YEATS4: variants seen among roughly 807,000 people sequenced by gnomAD.
YEATS4 encodes the protein YEATS domain containing 4, also known as YEATS domain-containing protein 4.
In YEATS4, 17 loss-of-function variants were observed where a neutral mutation model predicts 30.1. The observed-to-expected ratio is 0.56, with a 90% CI of 0.39 to 0.85. YEATS4 has a LOEUF of 0.85. Among genes scored for constraint, YEATS4 ranks in the 40% least tolerant of loss-of-function variants. The pLI, the probability that YEATS4 is intolerant of heterozygous loss-of-function variation, is 0.00. For synonymous variants in YEATS4, 85 were observed against 87.5 expected, an observed-to-expected ratio of 0.97 and a Z score of 0.16; for missense variants, 142 against 268.3, an observed-to-expected ratio of 0.53 and a Z score of 3.29.
intron 6 of YEATS4, among the ~76,000 whole-genome samples, chr12:69,371,421 A>G (rs536494393): frequency 6.6e-6 from 1 of 152,340 alleles, no homozygotes; most frequent in African/African-American, 2.4e-5. Flanking sequence ...AGTGTTGACT[A>G]CCTGAATGCC....
chr12:69,375,652 G>A (rs567910089), intron 6 of YEATS4, among the ~76,000 whole-genome samples: 1 of 152,326 alleles, frequency 6.6e-6, no homozygotes, highest in African/African-American at 2.4e-5. Flanking sequence ...TGCAATCCCG[G>A]CACCTCGGGA....
the YEATS4 span, chr12:69,400,987 T>C: frequency 6.6e-6 from 1 of 152,230 alleles, no homozygotes; most frequent in South Asian, 2.1e-4. Flanking sequence ...AATTCTGACC[T>C]GTAGTGCACT....
the YEATS4 span, among the ~76,000 whole-genome samples, chr12:69,397,616 A>G: frequency 1.3e-5 from 2 of 152,346 alleles, no homozygotes; most frequent in East Asian, 3.9e-4. Flanking sequence ...AGGCCTCCCC[A>G]GCCATGTGGA....
intron 6 of YEATS4, among the ~76,000 whole-genome samples, chr12:69,380,669 T>G (rs1876039230): frequency 6.6e-6 from 1 of 152,002 alleles, no homozygotes; most frequent in Non-Finnish European, 1.5e-5. Context: ...AGTCAGCCAG[T>G]ATCAGGGGAA....
the YEATS4 span, among the ~76,000 whole-genome samples, chr12:69,408,713 G>A: frequency 2.0e-5 from 3 of 152,198 alleles, no homozygotes; most frequent in Non-Finnish European, 4.4e-5. Flanking sequence ...GCAGGCTTGA[G>A]GCAGCTCATC....
chr12:69,372,876 A>C (rs1404702206), intron 6 of YEATS4, among the ~76,000 whole-genome samples: 2 of 69,468 alleles, frequency 2.9e-5, no homozygotes, highest in African/African-American at 1.3e-4. Context: ...ATAAGTGAGA[A>C]TATATAATGT....
Position 69,370,935 on chromosome 12 carries a change from T to A in YEATS4, c.474T>A (p.Ser158=), listed in dbSNP as rs538553721. ...TAMMQQLLTT[S]RQLTLGAYKH... ...TGATGCAACAATTATTGACAACATCTCGTCAGCTAACATTAGGAGCCTATA... is the reference window on the plus strand; with the variant it reads ...TGATGCAACAATTATTGACAACATCACGTCAGCTAACATTAGGAGCCTATA... Residue 158 remains serine, a synonymous_variant, in exon 6 of 7, where the codon TCT becomes TCA. Transcript: ENST00000247843. 5 of 1,613,244 alleles carry A rather than the reference T, an allele frequency of 3.1e-6. No individual in the cohort carries two copies. Among genetic ancestry groups the A allele is most frequent in the Non-Finnish European group, 4.2e-6 (5 of 1,179,774 alleles).
chr12:69,393,895 A>G (rs1868333636), downstream of YEATS4, among the ~76,000 whole-genome samples: 1 of 152,262 alleles, frequency 6.6e-6, no homozygotes, highest in African/African-American at 2.4e-5. Context: ...CTGATGAAGA[A>G]TAAGTCAATC....
At chr12:69,388,214 C>G (rs1214747535) in intron 6 of YEATS4, among the ~76,000 whole-genome samples, 1 of 152,140 alleles carries the variant, frequency 6.6e-6, no homozygotes, top group Non-Finnish European at 1.5e-5. Context: ...GTGCTCGCCA[C>G]CATGCCCAGC....
intron 6 of YEATS4, among the ~76,000 whole-genome samples, chr12:69,389,365 GC>G (rs1441674785): frequency 6.7e-6 from 1 of 149,790 alleles, no homozygotes; most frequent in Non-Finnish European, 1.5e-5. Flanking sequence ...CAGGAGAATT[GC>G]TTGAACCTGG....
rs533225716 is a variant in YEATS4 at position 69,362,013 on chromosome 12, G to GTTTTT, written c.52-758_52-754dup. ...TTTTTAAATTGTAGGGTGTTTGGTT[G>GTTTTT]TTTTTTTTTTTTTTTTTTTTTGGAG... On this transcript the variant is annotated intron_variant, in intron 1 of 6. Coordinates refer to ENST00000247843, the MANE Select transcript of YEATS4 (RefSeq NM_006530.4). 1.7e-3 allele frequency among the ~76,000 whole-genome samples: 120 copies of GTTTTT among 68,996 alleles called. 2 individuals are homozygous for GTTTTT. Among genetic ancestry groups the GTTTTT allele is most frequent in the African/African-American group, 4.1e-3 (83 of 20,082 alleles). 45.3% of individuals were successfully genotyped at this position (68,996 alleles called of 152,430 possible). A position where few individuals can be genotyped will look rare whatever the true frequency, so the allele number is the denominator to read the frequency against.
At chr12:69,389,337 C>T (rs988059996) in intron 6 of YEATS4, among the ~76,000 whole-genome samples, 2 of 151,034 alleles carry the variant, frequency 1.3e-5, no homozygotes, top group Admixed American at 1.3e-4. Flanking sequence ...GTAGTCCCAA[C>T]TACTCAGGAG....
chr12:69,383,568 A>C (rs1876161733), intron 6 of YEATS4, among the ~76,000 whole-genome samples: 16 of 152,224 alleles, frequency 1.1e-4, no homozygotes, highest in Admixed American at 1.0e-3. Flanking sequence ...GAGAAAAACT[A>C]GGTGCATGTA....
chr12:69,404,804 G>A, the YEATS4 span, among the ~76,000 whole-genome samples: 1 of 152,160 alleles, frequency 6.6e-6, no homozygotes, highest in African/African-American at 2.4e-5. Context: ...TGGGTTCTGT[G>A]GCCATGTTTA....
chr12:69,421,037 T>C, the YEATS4 span, among the ~76,000 whole-genome samples: 1 of 152,122 alleles, frequency 6.6e-6, no homozygotes, highest in Non-Finnish European at 1.5e-5. Context: ...GGTTTTTGTT[T>C]TGGGGGGATG....
chr12:69,375,186 C>T (rs189928514), intron 6 of YEATS4, among the ~76,000 whole-genome samples: 31,294 of 143,912 alleles, frequency 0.22, 3,657 homozygotes, highest in African/African-American at 0.32. Context: ...ACTTCTCAGA[C>T]GGGGCGGCCG....
chr12:69,411,966 A>G, the YEATS4 span, among the ~76,000 whole-genome samples: 1 of 152,228 alleles, frequency 6.6e-6, no homozygotes, highest in South Asian at 2.1e-4. Context: ...CAAGTGAGAC[A>G]GGAAACTCAA....
At chr12:69,421,474 TA>T in the YEATS4 span, among the ~76,000 whole-genome samples, 62 of 152,220 alleles carry the variant, frequency 4.1e-4, no homozygotes, top group Non-Finnish European at 7.6e-4. Context: ...ATGTATACCT[TA>T]AAAAAATGGC....
intron 6 of YEATS4, among the ~76,000 whole-genome samples, chr12:69,379,627 G>A (rs1284762534): frequency 9.2e-6 from 1 of 109,148 alleles, no homozygotes; most frequent in East Asian, 2.6e-4. Flanking sequence ...TTTTGGTGGA[G>A]ATGGGGTTTT....
Sources: gnomAD v4.1 joint callset for allele counts (sites outside exome capture counted in the v4.1 genomes callset) on GRCh38, gnomAD v4.1.1 for gene constraint, MANE v1.5 for transcripts, NCBI Gene and HGNC (gene_info 2026-07-23, HGNC 2026-07-21) for gene names.